The following FRYL variants were observed in gnomAD, a reference collection of about 807,000 sequenced individuals.
The protein encoded by FRYL is protein furry homolog-like.
In FRYL, 150 loss-of-function variants were observed where a neutral mutation model predicts 351.2. The observed-to-expected ratio is 0.43, with a 90% CI of 0.37 to 0.49. The LOEUF is 0.49. Among genes scored for constraint, FRYL ranks in the 20% least tolerant of loss-of-function variants. FRYL has a pLI of 0.00. For synonymous variants in FRYL, 1,153 were observed against 1,257.1 expected, an observed-to-expected ratio of 0.92 and a Z score of 1.75; for missense variants, 3,036 against 3,619.3, an observed-to-expected ratio of 0.84 and a Z score of 4.13.
At position 48,615,388 on chromosome 4, in the gene FRYL, C is replaced by G. The variant is rs530412378; in HGVS notation, c.411+3886G>C. On this transcript the variant is annotated intron_variant, in intron 7 of 63. Transcript: ENST00000358350. ...GATATCACCACCTTCTGATACTTCA[C>G]AATAATATGAATAAAACCAAGCCAA... Among the ~76,000 whole-genome samples the G allele has an allele frequency of 3.4e-4, 52 of 152,312 alleles. 1 individual carries two copies. In the South Asian group the frequency reaches 8.9e-3, roughly 26 times the overall value.
chr4:48,586,680 C>T lies in FRYL; in HGVS notation c.1689G>A (p.Ala563=), dbSNP rs780253662. 2.7e-5 allele frequency: 43 copies of T among 1,611,328 alleles called. No individual in the cohort carries two copies. The highest frequency in any genetic ancestry group is 2.8e-5 in the Non-Finnish European group (33 of 1,179,002). The change falls in exon 19 of 64, where the codon GCG becomes GCA. Residue 563 remains alanine (A), a synonymous_variant. Transcript: ENST00000358350. ...TACCGTCAGGAATCAACCTTGGAAT[C>T]GCAGCAATACAAGTTCTAAACAAAT... ...KIDLFRTCIA[A]IPRLIPDGMS...
At position 48,521,235 on chromosome 4, in the gene FRYL, A is replaced by C; in HGVS notation, c.7522-20T>G. 1 of 1,566,140 alleles carries C rather than the reference A, an allele frequency of 6.4e-7. No individual in the cohort carries two copies. Among genetic ancestry groups the C allele is most frequent in the Non-Finnish European group, 8.7e-7 (1 of 1,146,308 alleles). On this transcript the variant is annotated intron_variant, in intron 54 of 63. Transcript: ENST00000358350. ...GTTTAACTAAAAAGAGAAAGAGTAA[A>C]ATAAGGAATTCATTTATGAGTCAAA...
chr4:48,702,455 C>CAAAAAAA lies in FRYL; in HGVS notation c.-204+8057_-204+8063dup, dbSNP rs34675617. On this transcript the variant is annotated intron_variant, in intron 2 of 63. Transcript: ENST00000358350. Reference sequence around the variant, plus strand: ...TGGGTGACAGGGTGAGACTCTGTCTCAAAAAAAAAAAAAAAAAAAAAAAAA... The same window carrying CAAAAAAA: ...TGGGTGACAGGGTGAGACTCTGTCTCAAAAAAAAAAAAAAAAAAAAAAAAAAAAAAAA... Among the ~76,000 whole-genome samples, 7 of 29,448 alleles carry CAAAAAAA rather than the reference C, an allele frequency of 2.4e-4. 1 individual carries two copies. The highest frequency in any genetic ancestry group is 6.1e-4 in the Admixed American group (1 of 1,632). 19.3% of individuals were successfully genotyped at this position (29,448 alleles called of 152,430 possible). A position where few individuals can be genotyped will look rare whatever the true frequency, so the allele number is the denominator to read the frequency against.
chr4:48,660,175 T>C (rs1760411431), intron 3 of FRYL, among the ~76,000 whole-genome samples: 1 of 152,078 alleles, frequency 6.6e-6, no homozygotes, highest in South Asian at 2.1e-4. Context: ...GAGCTCTTAA[T>C]GGTCAAAGCT....
intron 1 of FRYL, among the ~76,000 whole-genome samples, chr4:48,751,399 C>G (rs1168111780): frequency 6.6e-6 from 1 of 152,098 alleles, no homozygotes; most frequent in African/African-American, 2.4e-5. Flanking sequence ...TGAAAAATTT[C>G]CAAAGTAAAA....
At chr4:48,594,818 G>GA (rs1560680247) in intron 15 of FRYL, among the ~76,000 whole-genome samples, 3 of 152,140 alleles carry the variant, frequency 2.0e-5, no homozygotes, top group African/African-American at 7.2e-5. Context: ...TCTCCAAGAT[G>GA]GATGTCCCAA....
chr4:48,580,975 TA>T, intron 21 of FRYL, 24 bp from the exon 22 acceptor site: 14 of 1,492,888 alleles, frequency 9.4e-6, no homozygotes, highest in Admixed American at 4.4e-5. Flanking sequence ...ATCATATGTC[TA>T]AAAAAATTAG....
At chr4:48,504,788 A>G (rs1266825982) in intron 60 of FRYL, among the ~76,000 whole-genome samples, 1 of 152,038 alleles carries the variant, frequency 6.6e-6, no homozygotes, top group African/African-American at 2.4e-5. Flanking sequence ...TAGCGAGTAT[A>G]CTATTATTTT....
intron 62 of FRYL, among the ~76,000 whole-genome samples, chr4:48,500,912 C>T (rs765895829): frequency 8.6e-5 from 13 of 151,896 alleles, no homozygotes; most frequent in South Asian, 2.1e-4. Flanking sequence ...GGTGAAACCC[C>T]GTCTCTACTA....
chr4:48,523,959 G>C (rs1406713608), intron 53 of FRYL, among the ~76,000 whole-genome samples: 2 of 152,074 alleles, frequency 1.3e-5, no homozygotes, highest in African/African-American at 4.8e-5. Flanking sequence ...AATTTTAAAA[G>C]GTCAAGAGGA....
intron 3 of FRYL, among the ~76,000 whole-genome samples, chr4:48,655,414 T>C (rs1758627751): frequency 6.6e-6 from 1 of 151,974 alleles, no homozygotes. Flanking sequence ...AGATGCTGAA[T>C]GAAAAAAGTG....
chr4:48,562,412 C>G (rs2149059956), intron 32 of FRYL, among the ~76,000 whole-genome samples: 1 of 152,244 alleles, frequency 6.6e-6, no homozygotes, highest in East Asian at 1.9e-4. Flanking sequence ...AAGAATCTTG[C>G]CCTATTATGA....
intron 1 of FRYL, among the ~76,000 whole-genome samples, chr4:48,750,280 G>T (rs184953134): frequency 6.6e-6 from 1 of 151,918 alleles, no homozygotes; most frequent in Admixed American, 6.6e-5. Flanking sequence ...GGGCAACATG[G>T]GGAAACCCCA....
chr4:48,528,347 A>G lies in FRYL; in HGVS notation c.6904-11T>C, dbSNP rs1404972983. On this transcript the variant is annotated splice_polypyrimidine_tract_variant and intron_variant, in intron 50 of 63. Transcript: ENST00000358350. ...TCCAATAATTGGTGTCTACACAGAA[A>G]CAAAATGTCAGTGTTTGGCTCAAAT... 1 of 1,588,232 alleles carries G rather than the reference A, an allele frequency of 6.3e-7. No individual in the cohort carries two copies. The highest frequency in any genetic ancestry group is 1.7e-5 in the Admixed American group (1 of 57,492).
chr4:48,691,644 T>C (rs1162579616), intron 2 of FRYL, among the ~76,000 whole-genome samples: 2 of 152,310 alleles, frequency 1.3e-5, no homozygotes, highest in East Asian at 1.9e-4. Flanking sequence ...ATAATGGTAA[T>C]ATTTATTAAC....
intron 53 of FRYL, among the ~76,000 whole-genome samples, chr4:48,525,203 A>T (rs1483115693): frequency 2.7e-5 from 4 of 149,672 alleles, no homozygotes; most frequent in Non-Finnish European, 5.9e-5. Flanking sequence ...ATATACACAC[A>T]CTTGGATGTG....
intron 1 of FRYL, among the ~76,000 whole-genome samples, chr4:48,739,129 G>A (rs1343907738): frequency 6.6e-6 from 1 of 152,108 alleles, no homozygotes; most frequent in Non-Finnish European, 1.5e-5. Context: ...GGCTGGGCAC[G>A]GTGGCTCATG....
At chr4:48,525,411 G>A (rs1459444882) in intron 53 of FRYL, among the ~76,000 whole-genome samples, 1 of 152,114 alleles carries the variant, frequency 6.6e-6, no homozygotes, top group East Asian at 1.9e-4. Flanking sequence ...ATTACTTGGA[G>A]GCACCATGGT....
At chr4:48,765,265 T>C (rs551638382) in intron 1 of FRYL, among the ~76,000 whole-genome samples, 38 of 152,248 alleles carry the variant, frequency 2.5e-4, no homozygotes, top group African/African-American at 8.7e-4. Context: ...ATTACAAAGC[T>C]ATACCAATCA....
Sources: allele counts gnomAD v4.1 joint callset (sites outside exome capture counted in the v4.1 genomes callset), GRCh38; gene constraint gnomAD v4.1.1; transcripts MANE v1.5; gene names NCBI Gene and HGNC (gene_info 2026-07-23, HGNC 2026-07-21).